Variants in SCAI observed in about 807,000 individuals in gnomAD.
SCAI encodes the protein suppressor of cancer cell invasion.
SCAI carries 24 observed loss-of-function variants against 92.2 expected under a neutral mutation model. That is an observed-to-expected ratio of 0.26 (90% CI 0.19 to 0.37). The LOEUF (loss-of-function observed/expected upper bound fraction) is 0.37. Ranked by LOEUF, SCAI falls within the 10% of genes least tolerant of loss-of-function variation. The probability of loss-of-function intolerance (pLI) is 1.00; values close to 1 mark genes in which losing one functional copy is unlikely to be tolerated. For synonymous variants in SCAI, 261 were observed against 258.6 expected (o/e 1.01, Z -0.09); for missense variants, 450 against 736.2 (o/e 0.61, Z 4.50).
intron 2 of SCAI, among the ~76,000 whole-genome samples, chr9:125,123,542 C>T (rs1295814866): frequency 6.6e-6 from 1 of 151,926 alleles, no homozygotes; most frequent in Non-Finnish European, 1.5e-5. Context: ...TTCGGGAGGC[C>T]GAGGCAGGTG....
At chr9:125,013,207 C>CA (rs1316750134) in intron 9 of SCAI, among the ~76,000 whole-genome samples, 3 of 149,658 alleles carry the variant, frequency 2.0e-5, no homozygotes, top group Admixed American at 1.3e-4. Context: ...AATAGAGACA[C>CA]AAAAAACCCT....
intron 2 of SCAI, among the ~76,000 whole-genome samples, chr9:125,109,596 T>C (rs928886091): frequency 1.3e-5 from 2 of 152,196 alleles, no homozygotes; most frequent in African/African-American, 4.8e-5. Context: ...AAATGTGTTA[T>C]TGACTGACAA....
At chr9:125,134,289 G>C (rs1391133779) in intron 2 of SCAI, among the ~76,000 whole-genome samples, 1 of 151,970 alleles carries the variant, frequency 6.6e-6, no homozygotes, top group Non-Finnish European at 1.5e-5. Flanking sequence ...GTAAACCTTT[G>C]TATATATACA....
In SCAI at chr9:125,126,566, G is replaced by GT. The variant is rs1491528299; in HGVS notation, c.98+16066_98+16067insA. 1.4e-3 allele frequency among the ~76,000 whole-genome samples: 176 copies of GT among 127,412 alleles called. 1 individual carries two copies. Among genetic ancestry groups the GT allele is most frequent in the African/African-American group, 4.9e-3 (163 of 32,988 alleles). The allele number at this position is 127,412 out of a possible 152,430, so 83.6% of individuals were successfully genotyped here. A position where few individuals can be genotyped will look rare whatever the true frequency, so the allele number is the denominator to read the frequency against. ...CAAAGTGAGGTGGGTGGGTGGGTGTGGGTGTGTGTGTGTGTGTGTGTGTGA... is the reference window on the plus strand; with the variant it reads ...CAAAGTGAGGTGGGTGGGTGGGTGTGTGGTGTGTGTGTGTGTGTGTGTGTGA... On this transcript the variant is annotated intron_variant, in intron 2 of 17. Coordinates refer to ENST00000336505, the MANE Select transcript of SCAI (RefSeq NM_001144877.3).
intron 2 of SCAI, among the ~76,000 whole-genome samples, chr9:125,098,032 C>A (rs993377311): frequency 1.3e-5 from 2 of 149,198 alleles, no homozygotes; most frequent in African/African-American, 2.4e-5. Flanking sequence ...TATATCTATA[C>A]ACACACATAT....
intron 2 of SCAI, among the ~76,000 whole-genome samples, chr9:125,088,849 T>G (rs955503547): frequency 2.0e-5 from 3 of 152,150 alleles, no homozygotes; most frequent in Admixed American, 1.3e-4. Context: ...ACCTTCTCAC[T>G]CCTGCCATTT....
intron 9 of SCAI, among the ~76,000 whole-genome samples, chr9:125,013,836 C>G (rs1180161726): frequency 6.6e-6 from 1 of 152,196 alleles, no homozygotes; most frequent in Non-Finnish European, 1.5e-5. Flanking sequence ...CCACCATGAT[C>G]AAGTGGGCTT....
intron 15 of SCAI, among the ~76,000 whole-genome samples, chr9:124,972,615 A>T (rs539584325): frequency 2.0e-5 from 3 of 152,328 alleles, no homozygotes; most frequent in African/African-American, 7.2e-5. Flanking sequence ...AGGCTACTCT[A>T]TTCAACCTAA....
chr9:125,126,473 A>ATGTC (rs1377632166), intron 2 of SCAI, among the ~76,000 whole-genome samples: 2 of 149,816 alleles, frequency 1.3e-5, no homozygotes, highest in Non-Finnish European at 3.0e-5. Context: ...AGAGAGAGAC[A>ATGTC]GAACACACAT....
intron 9 of SCAI, among the ~76,000 whole-genome samples, chr9:125,004,748 TATATATATATATATATATATATATATATA>T (rs1564374446): frequency 4.3e-4 from 6 of 14,012 alleles, no homozygotes; most frequent in South Asian, 3.7e-3. Flanking sequence ...TATATATATA[TATATATATATATATATATATATATATATA>T]TATTTTTTTT....
chr9:125,109,432 A>G lies in SCAI; in HGVS notation c.98+33201T>C, dbSNP rs184396591. Among the ~76,000 whole-genome samples the G allele has an allele frequency of 4.5e-3, 692 of 152,210 alleles. 4 individuals are homozygous for G. Among genetic ancestry groups the G allele is most frequent in the African/African-American group, 0.016 (654 of 41,566 alleles). On this transcript the variant is annotated intron_variant, in intron 2 of 17. Transcript: ENST00000336505. ...GAAAGAGGAGCTTACATTTGTTATTAAAGTGCCATGTATTTAATAAAACAC... is the reference window on the plus strand; with the variant it reads ...GAAAGAGGAGCTTACATTTGTTATTGAAGTGCCATGTATTTAATAAAACAC...
chr9:125,088,260 T>C (rs1003890947), intron 2 of SCAI, among the ~76,000 whole-genome samples: 1 of 152,132 alleles, frequency 6.6e-6, no homozygotes, highest in Non-Finnish European at 1.5e-5. Context: ...CATGCTGATA[T>C]GGTTTGGATT....
chr9:125,121,352 C>A (rs1835152273), intron 2 of SCAI, among the ~76,000 whole-genome samples: 1 of 150,010 alleles, frequency 6.7e-6, no homozygotes, highest in African/African-American at 2.5e-5. Flanking sequence ...AAAAGAAAGA[C>A]AAAGAAAAGT....
chr9:124,955,620 C>CA (rs1328672827), intron 17 of SCAI, among the ~76,000 whole-genome samples: 7 of 140,258 alleles, frequency 5.0e-5, no homozygotes, highest in Non-Finnish European at 1.5e-5. Context: ...GACTCTGTCT[C>CA]AAAAAAAATT....
intron 2 of SCAI, among the ~76,000 whole-genome samples, chr9:125,082,999 G>T (rs1038625330): frequency 6.6e-6 from 1 of 152,190 alleles, no homozygotes; most frequent in Non-Finnish European, 1.5e-5. Flanking sequence ...GAAGACATGA[G>T]ATTTGGGAAG....
In SCAI at chr9:125,080,828, C is replaced by T. The variant is rs551964706; in HGVS notation, c.99-24821G>A. Among the ~76,000 whole-genome samples the T allele has an allele frequency of 7.2e-5, 11 of 152,228 alleles. 1 individual carries two copies. The highest frequency in any genetic ancestry group is 2.6e-4 in the African/African-American group (11 of 41,524). ...CACTGTGATATGGTTTGACTGTGTC[C>T]CCACCCAAATCTCATCTTGAATTCC... On this transcript the variant is annotated intron_variant, in intron 2 of 17. Coordinates refer to ENST00000336505, the MANE Select transcript of SCAI (RefSeq NM_001144877.3).
At chr9:125,068,681 A>T (rs533335119) in intron 2 of SCAI, among the ~76,000 whole-genome samples, 2 of 152,272 alleles carry the variant, frequency 1.3e-5, no homozygotes, top group African/African-American at 4.8e-5. Flanking sequence ...AATTTTTTAT[A>T]AAAAAATTAA....
At chr9:125,139,318 T>C (rs1432833613) in intron 2 of SCAI, among the ~76,000 whole-genome samples, 2 of 151,800 alleles carry the variant, frequency 1.3e-5, no homozygotes, top group African/African-American at 4.8e-5. Flanking sequence ...GAGGCTGAGG[T>C]GGGAAAATCA....
chr9:124,963,737 A>G, intron 17 of SCAI, among the ~76,000 whole-genome samples: 1 of 147,506 alleles, frequency 6.8e-6, no homozygotes, highest in African/African-American at 2.5e-5. Context: ...CAACCTGGGC[A>G]ACAGAGTGAG....
Sources: allele counts gnomAD v4.1 joint callset (sites outside exome capture counted in the v4.1 genomes callset), GRCh38; gene constraint gnomAD v4.1.1; transcripts MANE v1.5; gene names NCBI Gene and HGNC (gene_info 2026-07-23, HGNC 2026-07-21).